PLCB1: variants seen among roughly 807,000 people sequenced by gnomAD.
PLCB1 encodes 1-phosphatidylinositol 4,5-bisphosphate phosphodiesterase beta-1.
A neutral mutation model predicts 161.8 loss-of-function variants in PLCB1; 46 were observed. The ratio of observed to expected loss-of-function variants is 0.28; its 90% confidence interval spans 0.22 to 0.36. The LOEUF (loss-of-function observed/expected upper bound fraction) is 0.36. Ranked by LOEUF, PLCB1 falls within the 10% of genes least tolerant of loss-of-function variation. The pLI, the probability that PLCB1 is intolerant of heterozygous loss-of-function variation, is 1.00. For synonymous variants in PLCB1, 517 were observed against 503.7 expected, an observed-to-expected ratio of 1.03 and a Z score of -0.35; for missense variants, 1,016 against 1,472.5, an observed-to-expected ratio of 0.69 and a Z score of 5.07.
chr20:8,559,567 A>T (rs781386240), intron 3 of PLCB1, among the ~76,000 whole-genome samples: 1 of 151,998 alleles, frequency 6.6e-6, no homozygotes, highest in Non-Finnish European at 1.5e-5. Context: ...TGCTGTTTAC[A>T]ACACATTCAC....
chr20:8,497,489 A>G (rs1227047615), intron 3 of PLCB1, among the ~76,000 whole-genome samples: 2 of 152,206 alleles, frequency 1.3e-5, no homozygotes, highest in African/African-American at 2.4e-5. Flanking sequence ...CAAATTACCC[A>G]TCTCATCCTT....
intron 31 of PLCB1, among the ~76,000 whole-genome samples, chr20:8,878,898 C>A (rs917573734): frequency 6.6e-6 from 1 of 151,868 alleles, no homozygotes; most frequent in South Asian, 2.1e-4. Flanking sequence ...TACGAATGAT[C>A]CTGTCACAAA....
At chr20:8,572,255 G>C (rs1037655715) in intron 3 of PLCB1, among the ~76,000 whole-genome samples, 2 of 152,050 alleles carry the variant, frequency 1.3e-5, no homozygotes, top group African/African-American at 4.8e-5. Flanking sequence ...TTTACTTCTT[G>C]ATACATGAAC....
intron 3 of PLCB1, among the ~76,000 whole-genome samples, chr20:8,536,212 A>C (rs1276420249): frequency 6.6e-6 from 1 of 152,128 alleles, no homozygotes; most frequent in Non-Finnish European, 1.5e-5. Flanking sequence ...CAGAGCTATT[A>C]TATTAGTTTA....
At chr20:8,466,609 A>G (rs558760101) in intron 3 of PLCB1, among the ~76,000 whole-genome samples, 10 of 152,232 alleles carry the variant, frequency 6.6e-5, no homozygotes, top group African/African-American at 2.4e-4. Context: ...GCTAAATCCA[A>G]AGGCAACATA....
chr20:8,770,660 G>A (rs1982631325), intron 26 of PLCB1, among the ~76,000 whole-genome samples: 2 of 152,156 alleles, frequency 1.3e-5, no homozygotes, highest in Admixed American at 1.3e-4. Flanking sequence ...CGAAGCAAAG[G>A]CAGGAAGATG....
intron 2 of PLCB1, among the ~76,000 whole-genome samples, chr20:8,265,382 C>G (rs941739901): frequency 6.6e-6 from 1 of 152,208 alleles, no homozygotes; most frequent in East Asian, 1.9e-4. Flanking sequence ...GGCGAAGTAC[C>G]ATTTAAGACT....
intron 3 of PLCB1, among the ~76,000 whole-genome samples, chr20:8,419,936 A>C (rs1442818886): frequency 6.6e-6 from 1 of 152,186 alleles, no homozygotes; most frequent in Non-Finnish European, 1.5e-5. Flanking sequence ...TTAGTCCTCA[A>C]ATATCTATAG....
intron 12 of PLCB1, among the ~76,000 whole-genome samples, chr20:8,710,688 A>G (rs752948198): frequency 5.9e-5 from 9 of 151,490 alleles, no homozygotes; most frequent in Admixed American, 1.3e-4. Flanking sequence ...CTAATTTTGT[A>G]TTTTTAGTAG....
chr20:8,857,785 G>C (rs1987118475), intron 31 of PLCB1, among the ~76,000 whole-genome samples: 1 of 152,094 alleles, frequency 6.6e-6, no homozygotes, highest in Non-Finnish European at 1.5e-5. Flanking sequence ...TCTCAATGTG[G>C]TCTAGATCTG....
chr20:8,390,664 C>G (rs545922857), intron 3 of PLCB1, among the ~76,000 whole-genome samples: 16 of 152,232 alleles, frequency 1.1e-4, no homozygotes, highest in Middle Eastern at 3.4e-3. Flanking sequence ...CAGAAATACA[C>G]AATTGCTTTT....
At chr20:8,439,201 A>G (rs536466371) in intron 3 of PLCB1, among the ~76,000 whole-genome samples, 10 of 152,310 alleles carry the variant, frequency 6.6e-5, no homozygotes, top group African/African-American at 2.2e-4. Context: ...AACTTACTGT[A>G]GCGTTTCCAT....
chr20:8,322,118 A>C (rs1984946405), intron 2 of PLCB1, among the ~76,000 whole-genome samples: 1 of 152,032 alleles, frequency 6.6e-6, no homozygotes, highest in Non-Finnish European at 1.5e-5. Context: ...ATTGCCAACA[A>C]TGGTTGCCTA....
intron 1 of PLCB1, among the ~76,000 whole-genome samples, chr20:8,142,443 C>T (rs1217303290): frequency 1.3e-5 from 2 of 152,234 alleles, no homozygotes; most frequent in Non-Finnish European, 2.9e-5. Flanking sequence ...GCAGAGCTCA[C>T]TGCTGTTACA....
At chr20:8,661,281 G>A (rs973348713) in intron 9 of PLCB1, among the ~76,000 whole-genome samples, 1 of 152,050 alleles carries the variant, frequency 6.6e-6, no homozygotes, top group African/African-American at 2.4e-5. Context: ...AAGCATTTGT[G>A]CCCCAACTTA....
intron 3 of PLCB1, among the ~76,000 whole-genome samples, chr20:8,558,553 T>C (rs1218955531): frequency 1.3e-5 from 2 of 151,536 alleles, no homozygotes; most frequent in Non-Finnish European, 3.0e-5. Flanking sequence ...ACTCTCAAAG[T>C]TGATAAAAGG....
At chr20:8,823,246 C>T (rs1600357262) in intron 31 of PLCB1, among the ~76,000 whole-genome samples, 5 of 152,316 alleles carry the variant, frequency 3.3e-5, no homozygotes, top group Admixed American at 3.3e-4. Context: ...CCTCAGCCTC[C>T]CTGGTAGCTG....
At chr20:8,504,259 A>G (rs6055866) in intron 3 of PLCB1, among the ~76,000 whole-genome samples, 104,837 of 151,956 alleles carry the variant, frequency 0.69, 36,311 homozygotes, top group Middle Eastern at 0.72. Flanking sequence ...AGGAAAAAGC[A>G]TATGACGAAT....
intron 31 of PLCB1, among the ~76,000 whole-genome samples, chr20:8,802,760 C>T (rs1984345750): frequency 6.6e-6 from 1 of 152,188 alleles, no homozygotes; most frequent in Non-Finnish European, 1.5e-5. Context: ...TTGGAAATAT[C>T]TCACTAATAG....
Sources: gnomAD v4.1 joint callset for allele counts (sites outside exome capture counted in the v4.1 genomes callset) on GRCh38, gnomAD v4.1.1 for gene constraint, MANE v1.5 for transcripts, NCBI Gene and HGNC (gene_info 2026-07-23, HGNC 2026-07-21) for gene names.